The following CHRM3 variants were observed in gnomAD, a reference collection of about 807,000 sequenced individuals.
CHRM3 encodes the protein cholinergic receptor muscarinic 3.
A neutral mutation model predicts 41.8 loss-of-function variants in CHRM3; 11 were observed. That is an observed-to-expected ratio of 0.26 (90% CI 0.17 to 0.44). The LOEUF (loss-of-function observed/expected upper bound fraction) is 0.44. CHRM3 is among the 20% of genes least tolerant of loss of function. CHRM3 has a pLI of 1.00. For missense variants in CHRM3, 571 were observed against 745.4 expected, an observed-to-expected ratio of 0.77 and a Z score of 2.72; for synonymous variants, 297 against 301.4, an observed-to-expected ratio of 0.99 and a Z score of 0.15.
intron 5 of CHRM3, among the ~76,000 whole-genome samples, chr1:239,747,907 C>T (rs1019383889): frequency 5.3e-5 from 8 of 152,086 alleles, no homozygotes; most frequent in Non-Finnish European, 1.0e-4. Context: ...CATGGTGTCA[C>T]GTGCCTGTAA....
At chr1:239,711,458 A>C (rs567300144) in intron 5 of CHRM3, among the ~76,000 whole-genome samples, 1 of 152,106 alleles carries the variant, frequency 6.6e-6, no homozygotes, top group Non-Finnish European at 1.5e-5. Flanking sequence ...TTAATAAATC[A>C]GTAATCATTA....
intron 6 of CHRM3, among the ~76,000 whole-genome samples, chr1:239,904,576 A>G (rs1055536488): frequency 6.6e-6 from 1 of 152,216 alleles, no homozygotes; most frequent in Non-Finnish European, 1.5e-5. Context: ...GAAATCCTGA[A>G]TGTAATTGTG....
At chr1:239,839,824 A>G (rs1248025707) in intron 6 of CHRM3, among the ~76,000 whole-genome samples, 1 of 151,930 alleles carries the variant, frequency 6.6e-6, no homozygotes, top group Non-Finnish European at 1.5e-5. Context: ...GGAAGGGAGA[A>G]GTACTTTTGC....
intron 1 of CHRM3, among the ~76,000 whole-genome samples, chr1:239,490,099 T>C (rs749399239): frequency 1.1e-4 from 16 of 152,220 alleles, no homozygotes; most frequent in Non-Finnish European, 1.9e-4. Flanking sequence ...AAACAAATGT[T>C]GCATACTATT....
chr1:239,834,907 A>G (rs1431218066), intron 6 of CHRM3, among the ~76,000 whole-genome samples: 5 of 152,200 alleles, frequency 3.3e-5, no homozygotes, highest in African/African-American at 1.2e-4. Context: ...ACATAAATAT[A>G]TTGAGGCTGA....
chr1:239,687,878 G>A (rs1394376607), intron 5 of CHRM3, among the ~76,000 whole-genome samples: 3 of 152,060 alleles, frequency 2.0e-5, no homozygotes, highest in Non-Finnish European at 2.9e-5. Context: ...ATGCCATCTA[G>A]GTTTGTGTGA....
chr1:239,622,277 AACAT>A (rs1218343988), intron 3 of CHRM3, among the ~76,000 whole-genome samples: 3 of 152,188 alleles, frequency 2.0e-5, no homozygotes, highest in Non-Finnish European at 4.4e-5. Flanking sequence ...CTGTTAATAT[AACAT>A]CCATTCTGCA....
chr1:239,691,274 A>G (rs150672815), intron 5 of CHRM3, among the ~76,000 whole-genome samples: 122 of 152,206 alleles, frequency 8.0e-4, no homozygotes, highest in African/African-American at 2.7e-3. Context: ...ATAAAAAGAG[A>G]TACTGGTAAG....
intron 3 of CHRM3, among the ~76,000 whole-genome samples, chr1:239,607,300 G>A (rs1226145123): frequency 2.6e-5 from 4 of 151,960 alleles, no homozygotes; most frequent in African/African-American, 7.3e-5. Context: ...ATACATTTAA[G>A]GTGCTTAGAA....
intron 6 of CHRM3, among the ~76,000 whole-genome samples, chr1:239,868,809 G>A (rs1676332819): frequency 6.6e-6 from 1 of 152,198 alleles, no homozygotes; most frequent in Non-Finnish European, 1.5e-5. Flanking sequence ...TGAGAACGGA[G>A]CCTTGGCTTG....
chr1:239,815,125 T>C (rs1671470697), intron 5 of CHRM3, among the ~76,000 whole-genome samples: 1 of 152,200 alleles, frequency 6.6e-6, no homozygotes, highest in Non-Finnish European at 1.5e-5. Context: ...CCATTGATCT[T>C]TTTTGATGCA....
chr1:239,447,476 G>C (rs946817648), intron 1 of CHRM3, among the ~76,000 whole-genome samples: 2 of 152,148 alleles, frequency 1.3e-5, no homozygotes, highest in Non-Finnish European at 2.9e-5. Context: ...AAAAGCACTT[G>C]GGTACCAAGA....
At chr1:239,737,844 G>A (rs1453618374) in intron 5 of CHRM3, among the ~76,000 whole-genome samples, 1 of 152,114 alleles carries the variant, frequency 6.6e-6, no homozygotes, top group Non-Finnish European at 1.5e-5. Context: ...AGATCTCAGA[G>A]AGTCAACAAC....
At chr1:239,752,234 G>A (rs1665888987) in intron 5 of CHRM3, among the ~76,000 whole-genome samples, 1 of 152,200 alleles carries the variant, frequency 6.6e-6, no homozygotes, top group African/African-American at 2.4e-5. Flanking sequence ...TGACCTGATT[G>A]CACTAGGGAA....
At chr1:239,744,015 G>T (rs112219509) in intron 5 of CHRM3, among the ~76,000 whole-genome samples, 8 of 138,600 alleles carry the variant, frequency 5.8e-5, no homozygotes, top group African/African-American at 1.6e-4. Context: ...TTGCTATGTT[G>T]CTCAGACTGG....
intron 1 of CHRM3, among the ~76,000 whole-genome samples, chr1:239,452,176 G>A (rs1320500276): frequency 1.3e-5 from 2 of 152,128 alleles, no homozygotes; most frequent in South Asian, 2.1e-4. Flanking sequence ...AAAGAATTGT[G>A]AATACTTACT....
At chr1:239,400,997 C>T (rs761002303) in intron 1 of CHRM3, among the ~76,000 whole-genome samples, 27 of 152,202 alleles carry the variant, frequency 1.8e-4, no homozygotes, top group Non-Finnish European at 2.2e-4. Flanking sequence ...ATATAAAATG[C>T]GTGCATATCT....
At chr1:239,549,456 C>A (rs1659602664) in intron 3 of CHRM3, among the ~76,000 whole-genome samples, 1 of 149,796 alleles carries the variant, frequency 6.7e-6, no homozygotes, top group African/African-American at 2.5e-5. Flanking sequence ...TTGAGACCTG[C>A]CTGGCCAACA....
At chr1:239,661,201 T>A (rs908395411) in intron 4 of CHRM3, among the ~76,000 whole-genome samples, 14 of 152,326 alleles carry the variant, frequency 9.2e-5, no homozygotes, top group Middle Eastern at 3.4e-3. Flanking sequence ...TGTTAACATT[T>A]GTATTGTGAT....
Sources: allele counts gnomAD v4.1 joint callset (sites outside exome capture counted in the v4.1 genomes callset), GRCh38; gene constraint gnomAD v4.1.1; transcripts MANE v1.5; gene names NCBI Gene and HGNC (gene_info 2026-07-23, HGNC 2026-07-21).